The following SLC35F4 variants were observed in gnomAD, a reference collection of about 807,000 sequenced individuals.
SLC35F4 encodes the protein solute carrier family 35 member F4.
A neutral mutation model predicts 44.2 loss-of-function variants in SLC35F4; 24 were observed. The ratio of observed to expected loss-of-function variants is 0.54; its 90% confidence interval spans 0.39 to 0.76. SLC35F4 has a LOEUF of 0.76. Among genes scored for constraint, SLC35F4 ranks in the 30% least tolerant of loss-of-function variants. The pLI, the probability that SLC35F4 is intolerant of heterozygous loss-of-function variation, is 0.00. For missense variants in SLC35F4, 562 were observed against 586.1 expected (o/e 0.96, Z 0.42); for synonymous variants, 238 against 223.6 (o/e 1.06, Z -0.57).
intron 1 of SLC35F4, among the ~76,000 whole-genome samples, chr14:57,792,454 G>A (rs1458571264): frequency 2.0e-5 from 3 of 152,122 alleles, no homozygotes; most frequent in Non-Finnish European, 4.4e-5. Flanking sequence ...AAAGACACTT[G>A]CACATACATG....
chr14:57,946,442 T>C (rs1233162020), intron 1 of SLC35F4, among the ~76,000 whole-genome samples: 1 of 151,064 alleles, frequency 6.6e-6, no homozygotes. Flanking sequence ...TGTAAGTATT[T>C]GTCTTTGTTT....
chr14:57,583,020 T>C (rs568828715), intron 3 of SLC35F4, among the ~76,000 whole-genome samples: 1 of 152,258 alleles, frequency 6.6e-6, no homozygotes, highest in South Asian at 2.1e-4. Context: ...GAAACTTGTA[T>C]TGAAATTTGT....
chr14:57,618,558 C>T (rs1344540468), intron 1 of SLC35F4, among the ~76,000 whole-genome samples: 2 of 152,204 alleles, frequency 1.3e-5, no homozygotes, highest in East Asian at 1.9e-4. Flanking sequence ...AAGGAGATTC[C>T]CTCCAGTGCC....
At chr14:57,770,336 G>A (rs1235006946) in intron 1 of SLC35F4, among the ~76,000 whole-genome samples, 1 of 152,360 alleles carries the variant, frequency 6.6e-6, no homozygotes, top group Middle Eastern at 3.4e-3. Context: ...TTGGTAGTAT[G>A]CCAGCTTGCA....
At chr14:57,738,878 A>G (rs1233257923) in intron 1 of SLC35F4, among the ~76,000 whole-genome samples, 1 of 149,846 alleles carries the variant, frequency 6.7e-6, no homozygotes, top group Non-Finnish European at 1.5e-5. Context: ...AGATATATAT[A>G]TATCTCCATC....
At chr14:57,601,774 A>G (rs2070840252) in intron 1 of SLC35F4, among the ~76,000 whole-genome samples, 2 of 152,196 alleles carry the variant, frequency 1.3e-5, no homozygotes, top group African/African-American at 4.8e-5. Context: ...TGTAAAAATA[A>G]AAATGCCTAC....
intron 1 of SLC35F4, among the ~76,000 whole-genome samples, chr14:57,783,818 A>G (rs2077689647): frequency 6.6e-6 from 1 of 152,210 alleles, no homozygotes; most frequent in Non-Finnish European, 1.5e-5. Context: ...CCTTTAGATC[A>G]GTGGGTCATA....
chr14:57,673,001 T>C (rs2074571100), intron 1 of SLC35F4, among the ~76,000 whole-genome samples: 1 of 152,088 alleles, frequency 6.6e-6, no homozygotes, highest in African/African-American at 2.4e-5. Context: ...AAATTTGCCA[T>C]AATTAGTCCT....
At chr14:57,892,197 T>G (rs1888784095) in intron 1 of SLC35F4, among the ~76,000 whole-genome samples, 1 of 152,206 alleles carries the variant, frequency 6.6e-6, no homozygotes, top group Non-Finnish European at 1.5e-5. Context: ...GGAATGGGAT[T>G]AGGAAAATAT....
chr14:57,790,472 A>C (rs2077887799), intron 1 of SLC35F4, among the ~76,000 whole-genome samples: 1 of 152,080 alleles, frequency 6.6e-6, no homozygotes, highest in Non-Finnish European at 1.5e-5. Flanking sequence ...ACCACTGCTC[A>C]AGAAAATAAG....
intron 1 of SLC35F4, among the ~76,000 whole-genome samples, chr14:57,729,342 T>C (rs2076290489): frequency 6.6e-6 from 1 of 152,118 alleles, no homozygotes; most frequent in Admixed American, 6.6e-5. Flanking sequence ...GAGCTGGAAA[T>C]GTGCTGGATA....
At chr14:57,652,756 C>T (rs759671362) in intron 1 of SLC35F4, among the ~76,000 whole-genome samples, 4 of 152,132 alleles carry the variant, frequency 2.6e-5, no homozygotes, top group Non-Finnish European at 4.4e-5. Flanking sequence ...AAAATGTCAA[C>T]AGTGCAGAGT....
At chr14:57,741,335 A>G (rs12893784) in intron 1 of SLC35F4, among the ~76,000 whole-genome samples, 1 of 152,098 alleles carries the variant, frequency 6.6e-6, no homozygotes, top group Non-Finnish European at 1.5e-5. Context: ...TAAGCTAAAA[A>G]CCTTGAAAAA....
Position 57,815,323 on chromosome 14 carries a change from G to A in SLC35F4, c.103+50400C>T, listed in dbSNP as rs115358842. Among the ~76,000 whole-genome samples, 214 of 152,272 alleles carry A rather than the reference G, an allele frequency of 1.4e-3. 2 individuals are homozygous for A. Among genetic ancestry groups the A allele is most frequent in the African/African-American group, 5.0e-3 (208 of 41,562 alleles). The stretch of plus-strand genomic sequence containing the variant: ...TGTGTAATTGACTCCTTGAATTGTC[G>A]ACATGATGCTCATTAAAGAGAAGCA... On this transcript the variant is annotated intron_variant, in intron 1 of 7. Transcript: ENST00000556826.
chr14:57,715,069 AAG>A (rs1380699305), intron 1 of SLC35F4, among the ~76,000 whole-genome samples: 2 of 152,118 alleles, frequency 1.3e-5, no homozygotes, highest in African/African-American at 2.4e-5. Context: ...AGGAATAGGA[AAG>A]AGAGGCGAGT....
chr14:57,947,418 A>G (rs1360760121), intron 1 of SLC35F4, among the ~76,000 whole-genome samples: 3 of 152,184 alleles, frequency 2.0e-5, no homozygotes, highest in African/African-American at 7.2e-5. Context: ...TATCAGATAT[A>G]GGAGCTTTTT....
rs931025832 is a variant in SLC35F4 at position 57,828,265 on chromosome 14, G to A, written c.103+37458C>T. On this transcript the variant is annotated intron_variant, in intron 1 of 7. Coordinates refer to ENST00000556826, the MANE Select transcript of SLC35F4 (RefSeq NM_001306087.2). ...CTCCATTTGATTGGTCTGGGAAAGC[G>A]ATGAGGATCTTTTTTAAAGCTCCAC... 3.9e-5 allele frequency among the ~76,000 whole-genome samples: 6 copies of A among 152,228 alleles called. No homozygotes were observed. The East Asian group carries it at 9.6e-4, about 24-fold the overall frequency.
At chr14:57,567,342 G>C (rs1011481982) in intron 6 of SLC35F4, among the ~76,000 whole-genome samples, 1 of 152,232 alleles carries the variant, frequency 6.6e-6, no homozygotes, top group Non-Finnish European at 1.5e-5. Flanking sequence ...TCAGGGGATA[G>C]AGAGATGAGT....
intron 1 of SLC35F4, among the ~76,000 whole-genome samples, chr14:57,764,833 G>A (rs1386210550): frequency 6.6e-6 from 1 of 152,094 alleles, no homozygotes; most frequent in Non-Finnish European, 1.5e-5. Flanking sequence ...TGAGCGTTCT[G>A]TACAACAATG....
Sources: gnomAD v4.1 joint callset for allele counts (sites outside exome capture counted in the v4.1 genomes callset) on GRCh38, gnomAD v4.1.1 for gene constraint, MANE v1.5 for transcripts, NCBI Gene and HGNC (gene_info 2026-07-23, HGNC 2026-07-21) for gene names.